The following AKAP7 variants were observed in gnomAD, a reference collection of about 807,000 sequenced individuals.
AKAP7 encodes A kinase (PRKA) anchor protein 7.
AKAP7 carries 39 observed loss-of-function variants against 39.5 expected under a neutral mutation model. The ratio of observed to expected loss-of-function variants is 0.99; its 90% CI spans 0.76 to 1.29. The LOEUF (loss-of-function observed/expected upper bound fraction) is 1.29. AKAP7 is among the 50% of genes most tolerant of loss of function. The pLI is 0.00. For synonymous variants in AKAP7, 140 were observed against 139.1 expected, an observed-to-expected ratio of 1.01 and a Z score of -0.05; for missense variants, 414 against 407.7, an observed-to-expected ratio of 1.02 and a Z score of -0.13.
Position 131,204,402 on chromosome 6 carries a change from A to C in AKAP7, c.702+4829A>C, listed in dbSNP as rs144622160. On this transcript the variant is annotated intron_variant, in intron 6 of 7. Transcript: ENST00000431975. ...TAAATAAAATACTATACTCTTTAGT[A>C]TATAAAATCTATCCTATAAAATGTA... Among the ~76,000 whole-genome samples, 251 of 152,336 alleles carry C rather than the reference A, an allele frequency of 1.6e-3. 1 individual carries two copies. The highest frequency in any genetic ancestry group is 4.4e-3 in the Admixed American group (67 of 15,300).
At chr6:131,176,151 A>G (rs1057200536) in intron 5 of AKAP7, among the ~76,000 whole-genome samples, 4 of 152,194 alleles carry the variant, frequency 2.6e-5, no homozygotes, top group Non-Finnish European at 5.9e-5. Flanking sequence ...CTGGTGGGCT[A>G]AAGAGACCAA....
At chr6:131,135,904 C>G in intron 1 of AKAP7, 122 bp downstream of exon 1, 1 of 1,106,610 alleles carries the variant, frequency 9.0e-7, no homozygotes, top group South Asian at 4.6e-5. Flanking sequence ...GAGTCTCCCT[C>G]CTTCCCAAAA....
intron 7 of AKAP7, among the ~76,000 whole-genome samples, chr6:131,230,623 A>G (rs1382627995): frequency 6.6e-6 from 1 of 152,106 alleles, no homozygotes; most frequent in African/African-American, 2.4e-5. Context: ...TTTTGTTGCA[A>G]TTGCATTTGG....
chr6:131,191,659 G>A (rs1806412890), intron 5 of AKAP7, among the ~76,000 whole-genome samples: 1 of 152,158 alleles, frequency 6.6e-6, no homozygotes, highest in African/African-American at 2.4e-5. Flanking sequence ...TGTGTCATCA[G>A]TGACAGCTAC....
Position 131,165,169 on chromosome 6 carries a change from A to G in AKAP7, c.380A>G (p.His127Arg), listed in dbSNP as rs768331934. ...GCAATGGTCAGTGATGGTTCCTTTC[A>G]TATTACCCTGCTGGTGATGCAATTA... ...AKAMVSDGSF[H>R]ITLLVMQLLN... The change falls in exon 4 of 8, where the codon CAT (histidine) becomes CGT (arginine). Residue 127 changes from histidine to arginine, a missense_variant. Physicochemically the swap from His to Arg is conservative, Grantham distance 29 (BLOSUM62 0). Coordinates refer to ENST00000431975, the MANE Select transcript of AKAP7 (RefSeq NM_016377.4). 2.5e-6 allele frequency: 4 copies of G among 1,610,968 alleles called. No individual in the cohort carries two copies. Among genetic ancestry groups the G allele is most frequent in the Admixed American group, 1.7e-5 (1 of 59,888 alleles).
At chr6:131,246,060 C>T (rs942345283) in intron 7 of AKAP7, among the ~76,000 whole-genome samples, 2 of 150,552 alleles carry the variant, frequency 1.3e-5, no homozygotes, top group Non-Finnish European at 3.0e-5. Flanking sequence ...TTTATTATGA[C>T]TCAGACTTTT....
chr6:131,252,136 G>T (rs1052876165), intron 7 of AKAP7, among the ~76,000 whole-genome samples: 1 of 152,132 alleles, frequency 6.6e-6, no homozygotes, highest in Non-Finnish European at 1.5e-5. Flanking sequence ...GTTCTTTTCT[G>T]TCTTCCTTAT....
At chr6:131,146,959 C>T (rs1219081793) in intron 2 of AKAP7, among the ~76,000 whole-genome samples, 1 of 152,220 alleles carries the variant, frequency 6.6e-6, no homozygotes, top group Admixed American at 6.5e-5. Context: ...TGACAGCTAT[C>T]ATCTCATAAG....
At chr6:131,254,181 T>C (rs1398826450) in intron 7 of AKAP7, among the ~76,000 whole-genome samples, 1 of 152,234 alleles carries the variant, frequency 6.6e-6, no homozygotes, top group African/African-American at 2.4e-5. Flanking sequence ...TCATGTTTCT[T>C]GGAAGATTAG....
intron 7 of AKAP7, among the ~76,000 whole-genome samples, chr6:131,262,917 G>A (rs1464038131): frequency 6.6e-6 from 1 of 152,200 alleles, no homozygotes; most frequent in East Asian, 1.9e-4. Context: ...CTGCAGCCAG[G>A]TAGAGATTAG....
At chr6:131,179,730 C>G (rs1804946833) in intron 5 of AKAP7, among the ~76,000 whole-genome samples, 1 of 151,988 alleles carries the variant, frequency 6.6e-6, no homozygotes, top group African/African-American at 2.4e-5. Flanking sequence ...ATTACCTTGG[C>G]ATGATGGTGC....
chr6:131,251,762 A>T (rs905436218), intron 7 of AKAP7, among the ~76,000 whole-genome samples: 1 of 152,240 alleles, frequency 6.6e-6, no homozygotes, highest in Non-Finnish European at 1.5e-5. Flanking sequence ...AAAGTGTGTG[A>T]CAGTCCTGCT....
intron 7 of AKAP7, among the ~76,000 whole-genome samples, chr6:131,280,265 CTATTAG>C (rs758224684): frequency 1.3e-5 from 2 of 152,118 alleles, no homozygotes; most frequent in Non-Finnish European, 2.9e-5. Context: ...AGGGTTCCCA[CTATTAG>C]TGTTTCTAGA....
chr6:131,283,392 A>G lies in AKAP7; in HGVS notation c.*1666A>G, dbSNP rs369499528. 6.6e-6 allele frequency: 1 copy of G among 152,604 alleles called. No individual in the cohort carries two copies. Among genetic ancestry groups the G allele is most frequent in the Admixed American group, 6.5e-5 (1 of 15,282 alleles). 9.5% of individuals were successfully genotyped at this position (152,604 alleles called of 1,614,324 possible). A position where few individuals can be genotyped will look rare whatever the true frequency, so the allele number is the denominator to read the frequency against. ...ATGGAGGGGAAATCACTGGAGATCA[A>G]ATATGTAAAATCATTTCAAATATAA... On this transcript the variant is annotated 3_prime_UTR_variant, in exon 8 of 8. Coordinates refer to ENST00000431975, the MANE Select transcript of AKAP7 (RefSeq NM_016377.4).
intron 5 of AKAP7, among the ~76,000 whole-genome samples, chr6:131,173,974 C>T (rs1284660870): frequency 1.3e-5 from 2 of 152,178 alleles, no homozygotes; most frequent in East Asian, 1.9e-4. Flanking sequence ...GAAGTATCAC[C>T]AGCTTTAATA....
At chr6:131,127,252 C>G in the AKAP7 span, among the ~76,000 whole-genome samples, 11 of 152,062 alleles carry the variant, frequency 7.2e-5, no homozygotes, top group Admixed American at 6.6e-4. Flanking sequence ...CCAGGCTGGT[C>G]TCTAACTCCT....
intron 7 of AKAP7, among the ~76,000 whole-genome samples, chr6:131,249,454 A>G (rs577762104): frequency 5.9e-5 from 9 of 152,314 alleles, no homozygotes; most frequent in African/African-American, 1.9e-4. Context: ...GACTATGTTC[A>G]GAACCACTTG....
intron 5 of AKAP7, chr6:131,185,075 A>G (rs1289264458): frequency 2.9e-6 from 2 of 696,476 alleles, no homozygotes; most frequent in Non-Finnish European, 5.5e-6. Context: ...GGCTGTCATC[A>G]TCAACTCGGG....
chr6:131,152,414 A>G (rs1159582867), intron 2 of AKAP7, among the ~76,000 whole-genome samples: 1 of 152,272 alleles, frequency 6.6e-6, no homozygotes, highest in Non-Finnish European at 1.5e-5. Context: ...AACCTACATT[A>G]TAATTTCAAA....
Sources: gnomAD v4.1 joint callset for allele counts (sites outside exome capture counted in the v4.1 genomes callset) on GRCh38, gnomAD v4.1.1 for gene constraint, MANE v1.5 for transcripts, NCBI Gene and HGNC (gene_info 2026-07-23, HGNC 2026-07-21) for gene names.